INSR: variants seen among roughly 807,000 people sequenced by gnomAD.
The protein encoded by INSR is insulin receptor, also known as IR.
In INSR, 67 loss-of-function variants were observed where a neutral mutation model predicts 142.6. The ratio of observed to expected loss-of-function variants is 0.47; its 90% CI spans 0.39 to 0.58. The LOEUF (loss-of-function observed/expected upper bound fraction) is 0.58, where lower values mean the gene tolerates loss of function less well. INSR is among the 20% of genes least tolerant of loss of function. The probability of loss-of-function intolerance (pLI) is 0.00; values close to 1 mark genes in which losing one functional copy is unlikely to be tolerated. For synonymous variants in INSR, 756 were observed against 743.1 expected, an observed-to-expected ratio of 1.02 and a Z score of -0.28; for missense variants, 1,248 against 1,833.2, an observed-to-expected ratio of 0.68 and a Z score of 5.83.
chr19:7,114,841 T>C lies in INSR; in HGVS notation c.*2215A>G, dbSNP rs924230384. 2.0e-5 allele frequency: 3 copies of C among 152,158 alleles called. No individual in the cohort carries two copies. The highest frequency in any genetic ancestry group is 2.1e-4 in the South Asian group (1 of 4,832). 9.4% of individuals were successfully genotyped at this position (152,158 alleles called of 1,614,324 possible). A position where few individuals can be genotyped will look rare whatever the true frequency, so the allele number is the denominator to read the frequency against. ...TTTCTGAATTAGAAAAATGTGAAAA[T>C]TGCAGCTAGTGTAGTATACAACCAC... is the stretch of plus-strand genomic sequence containing the variant. On this transcript the variant is annotated 3_prime_UTR_variant, in exon 22 of 22. Coordinates refer to ENST00000302850, the MANE Select transcript of INSR (RefSeq NM_000208.4).
chr19:7,232,535 C>T (rs137887631), intron 2 of INSR, among the ~76,000 whole-genome samples: 2,242 of 152,262 alleles, frequency 0.015, 128 homozygotes, highest in East Asian at 0.12. Context: ...AGTTGTTGGC[C>T]GGGCCCAGTG....
intron 2 of INSR, among the ~76,000 whole-genome samples, chr19:7,190,430 T>C: frequency 6.9e-6 from 1 of 143,918 alleles, no homozygotes; most frequent in East Asian, 2.2e-4. Context: ...TGAAGTGCAA[T>C]GGTGAGAACT....
At chr19:7,252,147 C>T (rs1017291699) in intron 2 of INSR, among the ~76,000 whole-genome samples, 10 of 152,052 alleles carry the variant, frequency 6.6e-5, no homozygotes, top group Non-Finnish European at 7.4e-5. Context: ...TAGTGGCGCA[C>T]GCCTGTAATC....
At chr19:7,142,702 T>C (rs1014538754) in intron 12 of INSR, 114 bp downstream of exon 12, 6 of 1,322,782 alleles carry the variant, frequency 4.5e-6, no homozygotes, top group African/African-American at 2.9e-5. Flanking sequence ...CAAACAAAAA[T>C]GAAGGCCAAT....
chr19:7,172,289 C>A lies in INSR; in HGVS notation c.1268+1G>T, dbSNP rs1974034592. 6.2e-7 allele frequency: 1 copy of A among 1,614,028 alleles called. No homozygotes were observed. The highest frequency in any genetic ancestry group is 8.5e-7 in the Non-Finnish European group (1 of 1,179,966). ...CCATACACACAATCAGGCCCACGTA[C>A]CCAATTTCCAAGGTCTCTCCTCGAA... On this transcript the variant is annotated splice_donor_variant, in intron 5 of 21. Transcript: ENST00000302850. LOFTEE classifies it high-confidence loss of function.
chr19:7,186,680 T>C (rs1044857693), intron 2 of INSR, among the ~76,000 whole-genome samples: 10 of 151,950 alleles, frequency 6.6e-5, no homozygotes, highest in South Asian at 2.1e-4. Flanking sequence ...GCACCTGCCA[T>C]TTTACTTTCT....
intron 2 of INSR, among the ~76,000 whole-genome samples, chr19:7,232,961 C>G (rs1033400033): frequency 1.3e-5 from 2 of 152,170 alleles, no homozygotes; most frequent in African/African-American, 2.4e-5. Flanking sequence ...ATCCTCACAA[C>G]GAGCTTGTGA....
At chr19:7,240,831 T>C (rs1976317144) in intron 2 of INSR, among the ~76,000 whole-genome samples, 1 of 152,206 alleles carries the variant, frequency 6.6e-6, no homozygotes, top group African/African-American at 2.4e-5. Flanking sequence ...CTCCAGGCTA[T>C]GTGTATAAGA....
intron 3 of INSR, among the ~76,000 whole-genome samples, chr19:7,181,009 C>T (rs141339067): frequency 9.9e-5 from 15 of 151,998 alleles, no homozygotes; most frequent in African/African-American, 3.6e-4. Flanking sequence ...GGCACACTCT[C>T]GGCTCACTGC....
At chr19:7,270,862 C>A (rs139162092) in intron 1 of INSR, among the ~76,000 whole-genome samples, 1 of 152,046 alleles carries the variant, frequency 6.6e-6, no homozygotes, top group South Asian at 2.1e-4. Context: ...AGATCAAAAC[C>A]ATCCTGGTTA....
intron 2 of INSR, among the ~76,000 whole-genome samples, chr19:7,186,583 C>T (rs746231901): frequency 5.3e-5 from 8 of 152,144 alleles, no homozygotes; most frequent in Non-Finnish European, 1.2e-4. Context: ...CCATCACCAC[C>T]ACCCATCTCC....
At chr19:7,231,345 G>A (rs921690949) in intron 2 of INSR, among the ~76,000 whole-genome samples, 2 of 144,652 alleles carry the variant, frequency 1.4e-5, no homozygotes, top group African/African-American at 5.4e-5. Context: ...CTTTCGCCCA[G>A]GCTCTAGTGC....
chr19:7,289,757 T>G (rs74975927), intron 1 of INSR, among the ~76,000 whole-genome samples: 9,514 of 152,130 alleles, frequency 0.063, 677 homozygotes, highest in African/African-American at 0.15. Flanking sequence ...GATGGGTAAA[T>G]GTCTCAGACA....
intron 2 of INSR, among the ~76,000 whole-genome samples, chr19:7,184,987 C>T (rs977365123): frequency 5.3e-5 from 8 of 152,120 alleles, no homozygotes; most frequent in Non-Finnish European, 8.8e-5. Flanking sequence ...CATGAAGTTA[C>T]TAAACATAAG....
At chr19:7,223,977 G>A (rs905796363) in intron 2 of INSR, among the ~76,000 whole-genome samples, 5 of 150,336 alleles carry the variant, frequency 3.3e-5, no homozygotes, top group Admixed American at 6.6e-5. Context: ...GACCAGTCTC[G>A]CTCTGCCACC....
chr19:7,277,670 G>A lies in INSR; in HGVS notation c.101-9774C>T, dbSNP rs534563440. 2.5e-4 allele frequency among the ~76,000 whole-genome samples: 38 copies of A among 152,206 alleles called. No individual in the cohort carries two copies. The South Asian group carries it at 6.6e-3, about 27-fold the overall frequency. ...AACATAGCCAGGCGTGGTGAGGCGC[G>A]TCTGTGCTCCCGGCTACTCAGGAGG... is the stretch of plus-strand genomic sequence containing the variant. On this transcript the variant is annotated intron_variant, in intron 1 of 21. Transcript: ENST00000302850.
intron 13 of INSR, among the ~76,000 whole-genome samples, chr19:7,136,958 G>T (rs560214291): frequency 6.6e-6 from 1 of 151,430 alleles, no homozygotes; most frequent in Admixed American, 6.6e-5. Context: ...TTAGCCTCCC[G>T]AGTAGTTGGG....
intron 9 of INSR, among the ~76,000 whole-genome samples, chr19:7,154,534 C>T (rs936807423): frequency 6.0e-5 from 9 of 150,674 alleles, no homozygotes; most frequent in East Asian, 2.0e-4. Context: ...GATCTCCTGA[C>T]CTCGTGATCT....
intron 4 of INSR, among the ~76,000 whole-genome samples, chr19:7,173,039 G>A (rs1464549881): frequency 2.0e-5 from 3 of 152,016 alleles, no homozygotes; most frequent in Admixed American, 6.6e-5. Flanking sequence ...ATATTACAAC[G>A]GCAGAGTTGA....
Sources: gnomAD v4.1 joint callset for allele counts (sites outside exome capture counted in the v4.1 genomes callset) on GRCh38, gnomAD v4.1.1 for gene constraint, MANE v1.5 for transcripts, NCBI Gene and HGNC (gene_info 2026-07-23, HGNC 2026-07-21) for gene names.